Variants in CAP2 observed in about 807,000 individuals in gnomAD.
CAP2 encodes the protein adenylyl cyclase-associated protein 2.
CAP2 carries 24 observed loss-of-function variants against 57.7 expected under a neutral mutation model. That is an observed-to-expected ratio of 0.42 (90% CI 0.30 to 0.58). CAP2 has a LOEUF of 0.58. Ranked by LOEUF, CAP2 falls within the 20% of genes least tolerant of loss-of-function variation. CAP2 has a pLI of 0.22. For synonymous variants in CAP2, 194 were observed against 207.2 expected (o/e 0.94, Z 0.55); for missense variants, 501 against 590.3 (o/e 0.85, Z 1.57).
intron 3 of CAP2, among the ~76,000 whole-genome samples, chr6:17,427,188 G>T (rs1484166740): frequency 6.6e-6 from 1 of 152,102 alleles, no homozygotes; most frequent in East Asian, 1.9e-4. Context: ...AACAGCAAGA[G>T]CGAAGGCTCA....
chr6:17,460,986 A>G (rs1163033468), intron 3 of CAP2, among the ~76,000 whole-genome samples: 1 of 152,050 alleles, frequency 6.6e-6, no homozygotes, highest in Non-Finnish European at 1.5e-5. Context: ...TACCTCTACT[A>G]AAAAATTCAA....
chr6:17,518,941 A>C (rs1326245044), intron 7 of CAP2, among the ~76,000 whole-genome samples: 3 of 152,156 alleles, frequency 2.0e-5, no homozygotes, highest in Admixed American at 6.6e-5. Flanking sequence ...TCCAGCCCAG[A>C]GGTTTTTCAA....
At chr6:17,489,565 CA>C (rs1761500448) in intron 4 of CAP2, among the ~76,000 whole-genome samples, 1 of 152,074 alleles carries the variant, frequency 6.6e-6, no homozygotes, top group South Asian at 2.1e-4. Flanking sequence ...GTTGAATGAC[CA>C]AATGTCCCAC....
chr6:17,492,762 C>A (rs904107704), intron 4 of CAP2, among the ~76,000 whole-genome samples: 1 of 152,160 alleles, frequency 6.6e-6, no homozygotes, highest in African/African-American at 2.4e-5. Context: ...TCCTCTGACC[C>A]CTTTGTACTG....
intron 4 of CAP2, among the ~76,000 whole-genome samples, chr6:17,502,777 A>T (rs1406780620): frequency 6.6e-6 from 1 of 152,216 alleles, no homozygotes; most frequent in Non-Finnish European, 1.5e-5. Context: ...CAATACAGAT[A>T]TTCTGGCCTT....
chr6:17,462,883 A>G, intron 3 of CAP2, 113 bp from the exon 4 acceptor site: 2 of 751,828 alleles, frequency 2.7e-6, no homozygotes, highest in South Asian at 1.6e-5. Flanking sequence ...TTTTGTGTGA[A>G]GATATATTTT....
intron 3 of CAP2, among the ~76,000 whole-genome samples, chr6:17,462,777 C>T (rs1276907182): frequency 6.6e-6 from 1 of 152,138 alleles, no homozygotes; most frequent in Non-Finnish European, 1.5e-5. Flanking sequence ...ATGGATATAT[C>T]ACATTTTGTT....
intron 1 of CAP2, among the ~76,000 whole-genome samples, chr6:17,415,016 C>CT (rs1224512219): frequency 6.6e-6 from 1 of 152,150 alleles, no homozygotes; most frequent in East Asian, 1.9e-4. Flanking sequence ...TGATGTTGAG[C>CT]TTTTTTCTTA....
chr6:17,432,393 C>T (rs1305419590), intron 3 of CAP2, among the ~76,000 whole-genome samples: 4 of 152,202 alleles, frequency 2.6e-5, no homozygotes. Context: ...GTTCTCCTCA[C>T]CTCCCCACTC....
chr6:17,406,481 C>T (rs1758981557), intron 1 of CAP2, among the ~76,000 whole-genome samples: 1 of 148,504 alleles, frequency 6.7e-6, no homozygotes, highest in Non-Finnish European at 1.5e-5. Context: ...GCAACCTCCG[C>T]CTCCTGGATT....
chr6:17,462,215 G>T (rs1760749850), intron 3 of CAP2, among the ~76,000 whole-genome samples: 1 of 151,732 alleles, frequency 6.6e-6, no homozygotes, highest in Non-Finnish European at 1.5e-5. Flanking sequence ...TCTCTCCTGG[G>T]CCCATCTTAA....
chr6:17,534,776 T>G (rs1762733528), intron 7 of CAP2, among the ~76,000 whole-genome samples: 1 of 152,162 alleles, frequency 6.6e-6, no homozygotes, highest in African/African-American at 2.4e-5. Flanking sequence ...ACCTGGTACA[T>G]TACCTCTGCC....
chr6:17,421,650 G>T lies in CAP2; in HGVS notation c.95G>T (p.Cys32Phe). 6.2e-7 allele frequency: 1 copy of T among 1,614,186 alleles called. No homozygotes were observed. The highest frequency in any genetic ancestry group is 8.5e-7 in the Non-Finnish European group (1 of 1,179,992). ...GAGTCCCACAGGCCCCCTGGGAACT[G>T]CGGGGAAGTCAATGGTGTCATTGCA... ...SAESHRPPGN[C>F]GEVNGVIAGV... Residue 32 changes from cysteine to phenylalanine, a missense_variant, in exon 2 of 13, where the codon TGC (cysteine) becomes TTC (phenylalanine). By Grantham distance (205) the Cys-to-Phe change is radical. Transcript: ENST00000229922.
intron 4 of CAP2, among the ~76,000 whole-genome samples, chr6:17,467,512 A>G (rs1294082131): frequency 6.6e-6 from 1 of 152,048 alleles, no homozygotes; most frequent in Non-Finnish European, 1.5e-5. Flanking sequence ...AAGCAACCCA[A>G]TTATACTCTT....
rs1581568755 is a variant in CAP2, at chr6:17,496,033, G to GGGGA, written c.301-11133_301-11132insAGGG. ...CTGTGCATGCGTGTGTGGGTGGGGG[G>GGGGA]GGGGGGTAAGTCAGGGAAAACAGGC... On this transcript the variant is annotated intron_variant, in intron 4 of 12. Transcript: ENST00000229922. 1.1e-4 allele frequency among the ~76,000 whole-genome samples: 14 copies of GGGGA among 126,842 alleles called. 2 individuals are homozygous for GGGGA. Among genetic ancestry groups the GGGGA allele is most frequent in the Non-Finnish European group, 1.9e-4 (12 of 61,710 alleles). 83.2% of individuals were successfully genotyped at this position (126,842 alleles called of 152,430 possible).
chr6:17,438,897 T>G (rs959339792), intron 3 of CAP2, among the ~76,000 whole-genome samples: 6 of 150,372 alleles, frequency 4.0e-5, no homozygotes, highest in Admixed American at 1.3e-4. Flanking sequence ...CAGATGACGA[T>G]GTCAGGAGTT....
At chr6:17,429,380 G>T (rs528227165) in intron 3 of CAP2, among the ~76,000 whole-genome samples, 1 of 152,232 alleles carries the variant, frequency 6.6e-6, no homozygotes, top group African/African-American at 2.4e-5. Flanking sequence ...AACTCATTAG[G>T]AGTATCTCAA....
intron 1 of CAP2, among the ~76,000 whole-genome samples, chr6:17,405,088 G>A (rs1758924261): frequency 6.6e-6 from 1 of 152,002 alleles, no homozygotes; most frequent in South Asian, 2.1e-4. Context: ...CCGTGATAAA[G>A]TTTAATATAT....
intron 3 of CAP2, 42 bp downstream of exon 3, chr6:17,426,732 T>G: frequency 7.5e-7 from 1 of 1,331,446 alleles, no homozygotes; most frequent in Non-Finnish European, 1.1e-6. Context: ...GAGTTTAAAC[T>G]TACCAGCCCA....
Sources: allele counts gnomAD v4.1 joint callset (sites outside exome capture counted in the v4.1 genomes callset), GRCh38; gene constraint gnomAD v4.1.1; transcripts MANE v1.5; gene names NCBI Gene and HGNC (gene_info 2026-07-23, HGNC 2026-07-21).